Variants in TMC2 observed in about 807,000 individuals in gnomAD.
The protein encoded by TMC2 is transmembrane channel like 2.
A neutral mutation model predicts 105.9 loss-of-function variants in TMC2; 102 were observed. That is an observed-to-expected ratio of 0.96 (90% CI 0.82 to 1.14). The LOEUF (loss-of-function observed/expected upper bound fraction) is 1.14. TMC2 is among the 50% of genes most tolerant of loss of function. The probability of loss-of-function intolerance (pLI) is 0.00; values close to 1 mark genes in which losing one functional copy is unlikely to be tolerated. For synonymous variants in TMC2, 402 were observed against 422.8 expected, an observed-to-expected ratio of 0.95 and a Z score of 0.60; for missense variants, 1,093 against 1,134.3, an observed-to-expected ratio of 0.96 and a Z score of 0.52.
At chr20:2,623,677 C>T (rs1290590196) in intron 16 of TMC2, among the ~76,000 whole-genome samples, 1 of 152,186 alleles carries the variant, frequency 6.6e-6, no homozygotes, top group African/African-American at 2.4e-5. Context: ...CAAGAGCCAG[C>T]AGCATCCAGG....
At position 2,602,383 on chromosome 20, in the gene TMC2, C is replaced by T. The variant is rs529012370; in HGVS notation, c.1413+82C>T. 40 of 1,067,430 alleles carry T rather than the reference C, an allele frequency of 3.7e-5. No homozygotes were observed. In the Admixed American group the frequency reaches 8.1e-4, roughly 22 times the overall value. The allele number at this position is 1,067,430 out of a possible 1,614,324, so 66.1% of individuals were successfully genotyped here. On this transcript the variant is annotated intron_variant, in intron 11 of 19. Transcript: ENST00000358864. ...TTCCTATGCCATTCATTTCATTTATCGAAAGTCTGGATTATAGGCTTGTTT... is the reference window on the plus strand; with the variant it reads ...TTCCTATGCCATTCATTTCATTTATTGAAAGTCTGGATTATAGGCTTGTTT...
intron 7 of TMC2, among the ~76,000 whole-genome samples, chr20:2,585,196 T>C (rs2086223710): frequency 1.3e-5 from 2 of 152,230 alleles, no homozygotes; most frequent in South Asian, 4.1e-4. Flanking sequence ...AATGGGATTG[T>C]AATATTCCAC....
chr20:2,545,303 C>T (rs2085915896), intron 2 of TMC2, among the ~76,000 whole-genome samples: 1 of 152,002 alleles, frequency 6.6e-6, no homozygotes, highest in Non-Finnish European at 1.5e-5. Context: ...TCTAGAATAC[C>T]CCTAGGGTAC....
chr20:2,624,683 C>A (rs576458410), intron 17 of TMC2, among the ~76,000 whole-genome samples: 5 of 152,256 alleles, frequency 3.3e-5, no homozygotes, highest in Admixed American at 3.3e-4. Context: ...AGACCAGCTC[C>A]CAGCGTCATT....
chr20:2,537,163 T>C, intron 1 of TMC2, 106 bp from the exon 2 acceptor site: 1 of 974,270 alleles, frequency 1.0e-6, no homozygotes. Flanking sequence ...GGGTCCCAGT[T>C]TGAGGCAGCC....
At chr20:2,569,198 C>T (rs1356202363) in intron 4 of TMC2, among the ~76,000 whole-genome samples, 1 of 152,234 alleles carries the variant, frequency 6.6e-6, no homozygotes, top group Admixed American at 6.5e-5. Flanking sequence ...AAGCTACTAA[C>T]AGTTTAACAA....
At position 2,611,866 on chromosome 20, in the gene TMC2, ATGGG is replaced by A. The variant is rs1231486508; in HGVS notation, c.1594-305_1594-302del. On this transcript the variant is annotated intron_variant, in intron 12 of 19. Transcript: ENST00000358864. ...GATGGATGGATGGATGGATGGATGGATGGGTGGGTGGGTGGGTGGGTGGATGGAT... is the reference window on the plus strand; with the variant it reads ...GATGGATGGATGGATGGATGGATGGATGGGTGGGTGGGTGGGTGGATGGAT... 3.3e-3 allele frequency among the ~76,000 whole-genome samples: 283 copies of A among 85,650 alleles called. 2 individuals carry two copies. The highest frequency in any genetic ancestry group is 6.9e-3 in the South Asian group (17 of 2,476). The allele number at this position is 85,650 out of a possible 152,430, so 56.2% of individuals were successfully genotyped here.
chr20:2,594,225 C>CTTTTTTT (rs565664102), intron 8 of TMC2, among the ~76,000 whole-genome samples: 13 of 113,756 alleles, frequency 1.1e-4, no homozygotes, highest in African/African-American at 2.9e-4. Flanking sequence ...CTAAGGATTC[C>CTTTTTTT]TTTTTTTTTT....
intron 2 of TMC2, among the ~76,000 whole-genome samples, chr20:2,550,202 A>T (rs997482436): frequency 2.2e-4 from 33 of 150,296 alleles, no homozygotes; most frequent in Admixed American, 6.6e-5. Flanking sequence ...AAAAAAAATT[A>T]GCTCCATGCA....
intron 18 of TMC2, among the ~76,000 whole-genome samples, chr20:2,636,971 A>T (rs2086651405): frequency 6.6e-6 from 1 of 152,136 alleles, no homozygotes; most frequent in Non-Finnish European, 1.5e-5. Flanking sequence ...GAAATAGAGG[A>T]TTGGAAAGAT....
Position 2,592,449 on chromosome 20 carries a change from A to G in TMC2, c.933+41A>G, listed in dbSNP as rs1166887622. ...TGCCAATGAACTTCCATTTGTGATTATAAAGGCTAAAGATTGCATGGATAA... is the reference window on the plus strand; with the variant it reads ...TGCCAATGAACTTCCATTTGTGATTGTAAAGGCTAAAGATTGCATGGATAA... On this transcript the variant is annotated intron_variant, in intron 8 of 19. Transcript: ENST00000358864. This position sits in a 1 kb window ranked among gnomAD's most constrained non-coding sequence, Gnocchi z 4.9. The G allele has an allele frequency of 7.5e-7, 1 of 1,340,212 alleles. No homozygotes were observed. Among genetic ancestry groups the G allele is most frequent in the South Asian group, 1.2e-5 (1 of 85,482 alleles). The allele number at this position is 1,340,212 out of a possible 1,614,324, so 83.0% of individuals were successfully genotyped here. A position where few individuals can be genotyped will look rare whatever the true frequency, so the allele number is the denominator to read the frequency against.
intron 8 of TMC2, among the ~76,000 whole-genome samples, chr20:2,593,418 G>A (rs986213784): frequency 2.0e-5 from 3 of 152,168 alleles, no homozygotes; most frequent in Admixed American, 6.5e-5. Context: ...ATCTGAGGAG[G>A]AAGAAAATCA....
At chr20:2,573,340 T>C (rs966446598) in intron 5 of TMC2, among the ~76,000 whole-genome samples, 4 of 152,228 alleles carry the variant, frequency 2.6e-5, no homozygotes, top group African/African-American at 4.8e-5. Context: ...GCCCATATTA[T>C]ATCCTTAAGC....
chr20:2,561,361 A>G (rs1399319843), intron 3 of TMC2, among the ~76,000 whole-genome samples: 1 of 152,238 alleles, frequency 6.6e-6, no homozygotes, highest in Non-Finnish European at 1.5e-5. Context: ...ATCTGATGAA[A>G]GTTTATCATC....
chr20:2,596,519 G>A (rs750296693), intron 9 of TMC2, among the ~76,000 whole-genome samples: 1 of 151,744 alleles, frequency 6.6e-6, no homozygotes, highest in Non-Finnish European at 1.5e-5. Context: ...TGTAATCCCA[G>A]CTACTCGGGA....
At chr20:2,631,047 T>C (rs763924129) in intron 17 of TMC2, among the ~76,000 whole-genome samples, 13 of 152,234 alleles carry the variant, frequency 8.5e-5, no homozygotes, top group Admixed American at 2.0e-4. Context: ...TTAAATATTT[T>C]AGTACATAAT....
Position 2,594,856 on chromosome 20 carries a change from G to A in TMC2, c.965G>A (p.Gly322Asp), listed in dbSNP as rs1014293327. ...GYIKYSALFY[G>D]YYNNQRTIGW... ...ATCAAGTACTCTGCACTCTTCTATG[G>A]CTACTACAACAACCAGAGGACCATC... Residue 322 changes from glycine to aspartate, a missense_variant, in exon 9 of 20, where the codon GGC becomes GAC. Physicochemically the swap from Gly to Asp is moderately conservative, Grantham distance 94 (BLOSUM62 -1). Coordinates refer to ENST00000358864, the MANE Select transcript of TMC2 (RefSeq NM_080751.3). 4 of 1,614,016 alleles carry A rather than the reference G, an allele frequency of 2.5e-6. No homozygotes were observed. Among genetic ancestry groups the A allele is most frequent in the Non-Finnish European group, 3.4e-6 (4 of 1,180,046 alleles).
At chr20:2,559,128 C>T (rs1430123763) in intron 3 of TMC2, among the ~76,000 whole-genome samples, 1 of 152,206 alleles carries the variant, frequency 6.6e-6, no homozygotes, top group Non-Finnish European at 1.5e-5. Context: ...TGAACTCCAG[C>T]TGGTGACTCA....
At chr20:2,585,649 G>A (rs2086226543) in intron 7 of TMC2, among the ~76,000 whole-genome samples, 1 of 152,186 alleles carries the variant, frequency 6.6e-6, no homozygotes, top group African/African-American at 2.4e-5. Context: ...GCTTACTCAC[G>A]TGGCTTCTGG....
Sources: allele counts gnomAD v4.1 joint callset (sites outside exome capture counted in the v4.1 genomes callset), GRCh38; gene constraint gnomAD v4.1.1; non-coding constraint Gnocchi (gnomAD v3.1); transcripts MANE v1.5; gene names NCBI Gene and HGNC (gene_info 2026-07-23, HGNC 2026-07-21).